Variants in JAKMIP2 observed in about 807,000 individuals in gnomAD.
The protein encoded by JAKMIP2 is janus kinase and microtubule-interacting protein 2.
In JAKMIP2, 25 loss-of-function variants were observed where a neutral mutation model predicts 115.0. That is an observed-to-expected ratio of 0.22 (90% CI 0.16 to 0.30). The LOEUF is 0.30. Ranked by LOEUF, JAKMIP2 falls within the 10% of genes least tolerant of loss-of-function variation. JAKMIP2 has a pLI of 1.00. For missense variants in JAKMIP2, 642 were observed against 957.6 expected (o/e 0.67, Z 4.35); for synonymous variants, 334 against 343.6 (o/e 0.97, Z 0.31).
chr5:147,616,878 TC>T (rs961462696), intron 19 of JAKMIP2, among the ~76,000 whole-genome samples: 14 of 152,174 alleles, frequency 9.2e-5, no homozygotes, highest in Admixed American at 5.9e-4. Flanking sequence ...AAGTGTCATG[TC>T]CCCCATGAAT....
chr5:147,657,783 C>T (rs766821934), intron 3 of JAKMIP2, among the ~76,000 whole-genome samples: 2 of 151,768 alleles, frequency 1.3e-5, no homozygotes, highest in African/African-American at 2.4e-5. Context: ...CTTTCTTCTG[C>T]TTGGTCGATT....
intron 1 of JAKMIP2, among the ~76,000 whole-genome samples, chr5:147,741,801 A>G (rs1754148805): frequency 2.0e-5 from 3 of 152,148 alleles, no homozygotes; most frequent in African/African-American, 7.2e-5. Flanking sequence ...TCAATACTTG[A>G]GCCTTCATAA....
intron 21 of JAKMIP2, chr5:147,595,418 G>A (rs1233317841): frequency 4.4e-6 from 2 of 456,812 alleles, no homozygotes; most frequent in East Asian, 1.4e-4. Flanking sequence ...TCTGTCCTGT[G>A]ACACAGCTTT....
chr5:147,744,135 T>G (rs1291885036), intron 1 of JAKMIP2, among the ~76,000 whole-genome samples: 1 of 151,900 alleles, frequency 6.6e-6, no homozygotes, highest in Non-Finnish European at 1.5e-5. Flanking sequence ...AAATATCAAA[T>G]AAATGAACGA....
chr5:147,644,171 G>C lies in JAKMIP2; in HGVS notation c.1111C>G (p.Leu371Val). The C allele has an allele frequency of 6.3e-7, 1 of 1,593,094 alleles. No homozygotes were observed. Among genetic ancestry groups the C allele is most frequent in the Non-Finnish European group, 8.6e-7 (1 of 1,164,924 alleles). Reference protein sequence around the residue: ...MREKITSHPPLKKLKSLNDLD... With the variant: ...MREKITSHPPVKKLKSLNDLD... ...TCATTCAGAGATTTTAATTTCTTCA[G>C]GGGTGGATGGGATGTTATTTTTTCT... Residue 371 changes from leucine (L) to valine (V), a missense_variant, in exon 7 of 22, where the codon CTG becomes GTG. Coordinates refer to ENST00000616793, the MANE Select transcript of JAKMIP2 (RefSeq NM_001270941.2).
intron 1 of JAKMIP2, among the ~76,000 whole-genome samples, chr5:147,695,677 T>TGTGTGTGA (rs532821164): frequency 7.2e-4 from 106 of 147,110 alleles, no homozygotes; most frequent in Middle Eastern, 6.8e-3. Context: ...TGTGTGTGTG[T>TGTGTGTGA]GAGAGAGAGA....
At chr5:147,762,054 A>G (rs1369709637) in intron 1 of JAKMIP2, among the ~76,000 whole-genome samples, 1 of 152,066 alleles carries the variant, frequency 6.6e-6, no homozygotes, top group Non-Finnish European at 1.5e-5. Context: ...GTGAAAAAAG[A>G]AAGGAAGGAA....
intron 14 of JAKMIP2, among the ~76,000 whole-genome samples, chr5:147,630,856 A>G (rs1341678061): frequency 3.3e-5 from 5 of 152,186 alleles, no homozygotes; most frequent in Non-Finnish European, 7.3e-5. Flanking sequence ...AATACTTAAA[A>G]TATATCCAGT....
At chr5:147,683,203 C>A (rs1161536391) in intron 1 of JAKMIP2, among the ~76,000 whole-genome samples, 1 of 152,116 alleles carries the variant, frequency 6.6e-6, no homozygotes, top group Non-Finnish European at 1.5e-5. Flanking sequence ...TAAAAACAAT[C>A]TGGCGACCAG....
At chr5:147,674,901 A>T (rs1759843668) in intron 1 of JAKMIP2, among the ~76,000 whole-genome samples, 2 of 152,080 alleles carry the variant, frequency 1.3e-5, no homozygotes. Flanking sequence ...GGTGGAAGAA[A>T]GTCAGTTAGG....
intron 20 of JAKMIP2, among the ~76,000 whole-genome samples, chr5:147,603,304 T>C (rs1365083232): frequency 1.3e-5 from 2 of 152,196 alleles, no homozygotes; most frequent in Non-Finnish European, 2.9e-5. Flanking sequence ...GTCTGTCTCA[T>C]AGAGTAATTA....
At chr5:147,718,626 T>G (rs553357492) in intron 1 of JAKMIP2, among the ~76,000 whole-genome samples, 1 of 152,108 alleles carries the variant, frequency 6.6e-6, no homozygotes, top group African/African-American at 2.4e-5. Flanking sequence ...TTTTCTAGTT[T>G]ATTTGCATAG....
chr5:147,685,635 A>T (rs1307965703), intron 1 of JAKMIP2, among the ~76,000 whole-genome samples: 3 of 152,192 alleles, frequency 2.0e-5, no homozygotes, highest in African/African-American at 7.2e-5. Flanking sequence ...TCTTCTTACT[A>T]TTTATTGATT....
intron 1 of JAKMIP2, among the ~76,000 whole-genome samples, chr5:147,753,812 A>T (rs1388587612): frequency 7.1e-4 from 100 of 141,510 alleles, no homozygotes; most frequent in Non-Finnish European, 1.3e-3. Flanking sequence ...AGCAGAATGT[A>T]TTTTTTTTTT....
chr5:147,634,429 G>A (rs1049725040), intron 12 of JAKMIP2, among the ~76,000 whole-genome samples: 1 of 152,126 alleles, frequency 6.6e-6, no homozygotes, highest in Admixed American at 6.5e-5. Flanking sequence ...AAATGTAGTC[G>A]AGTTTTCTAC....
chr5:147,632,647 T>C, intron 13 of JAKMIP2, 33 bp downstream of exon 13: 1 of 1,329,952 alleles, frequency 7.5e-7, no homozygotes, highest in Non-Finnish European at 1.1e-6. Context: ...ATCATTACGA[T>C]TATTTTTATT....
At chr5:147,644,232 C>A in intron 6 of JAKMIP2, 34 bp from the exon 7 acceptor site, 1 of 1,477,620 alleles carries the variant, frequency 6.8e-7, no homozygotes, top group Non-Finnish European at 9.1e-7. Context: ...CAGGTGGAGA[C>A]TTTAAAAACC....
intron 21 of JAKMIP2, among the ~76,000 whole-genome samples, chr5:147,600,093 T>C (rs1352532312): frequency 9.5e-6 from 1 of 105,492 alleles, no homozygotes; most frequent in African/African-American, 3.3e-5. Flanking sequence ...TACTGTTTTT[T>C]TTTTTTTTTT....
chr5:147,746,220 T>G (rs530049872), intron 1 of JAKMIP2, among the ~76,000 whole-genome samples: 1 of 152,304 alleles, frequency 6.6e-6, no homozygotes, highest in East Asian at 1.9e-4. Context: ...CCTGCTATCC[T>G]GGCATAGCAG....
Sources: allele counts gnomAD v4.1 joint callset (sites outside exome capture counted in the v4.1 genomes callset), GRCh38; gene constraint gnomAD v4.1.1; transcripts MANE v1.5; gene names NCBI Gene and HGNC (gene_info 2026-07-23, HGNC 2026-07-21).